AGBL3: variants seen among roughly 807,000 people sequenced by gnomAD.
AGBL3 encodes cytosolic carboxypeptidase 3.
In AGBL3, 68 loss-of-function variants were observed where a neutral mutation model predicts 94.5. That is an observed-to-expected ratio of 0.72 (90% CI 0.59 to 0.88). The LOEUF (loss-of-function observed/expected upper bound fraction) is 0.88, where lower values mean the gene tolerates loss of function less well. AGBL3 is among the 40% of genes least tolerant of loss of function. AGBL3 has a pLI of 0.00. For synonymous variants in AGBL3, 354 were observed against 370.7 expected, an observed-to-expected ratio of 0.95 and a Z score of 0.52; for missense variants, 934 against 1,103.8, an observed-to-expected ratio of 0.85 and a Z score of 2.18.
At chr7:135,122,310 C>CT (rs1827250458) in intron 16 of AGBL3, among the ~76,000 whole-genome samples, 2 of 152,316 alleles carry the variant, frequency 1.3e-5, no homozygotes, top group South Asian at 4.1e-4. Flanking sequence ...CCTGACCCAT[C>CT]CTTCCTCATT....
At chr7:135,015,033 GA>G (rs1813603322) in intron 4 of AGBL3, among the ~76,000 whole-genome samples, 1 of 152,296 alleles carries the variant, frequency 6.6e-6, no homozygotes, top group Middle Eastern at 3.4e-3. Context: ...AGGAGATTGT[GA>G]TAATGGAAAG....
intron 12 of AGBL3, among the ~76,000 whole-genome samples, chr7:135,070,374 A>C (rs972910291): frequency 5.9e-5 from 9 of 152,222 alleles, no homozygotes; most frequent in South Asian, 2.1e-4. Flanking sequence ...AACTCATTTT[A>C]TGAGGCCAGC....
intron 4 of AGBL3, chr7:135,011,025 G>A (rs1490047777): frequency 6.6e-6 from 1 of 152,082 alleles, no homozygotes; most frequent in African/African-American, 2.4e-5. Context: ...CAAAAAAATT[G>A]TAAGAGTTAC....
At chr7:135,094,603 G>T in intron 15 of AGBL3, 1 of 451,076 alleles carries the variant, frequency 2.2e-6, no homozygotes, top group Non-Finnish European at 4.4e-6. Flanking sequence ...GAGAAGAAGA[G>T]TAAACATTGT....
At chr7:135,006,625 A>G (rs1394551565) in intron 4 of AGBL3, among the ~76,000 whole-genome samples, 1 of 151,934 alleles carries the variant, frequency 6.6e-6, no homozygotes, top group Non-Finnish European at 1.5e-5. Flanking sequence ...GTCATCTTTT[A>G]TATCTGCCAC....
At chr7:135,036,741 A>G (rs1372561340) in intron 7 of AGBL3, among the ~76,000 whole-genome samples, 1 of 152,218 alleles carries the variant, frequency 6.6e-6, no homozygotes, top group Non-Finnish European at 1.5e-5. Context: ...GAAGGATGGC[A>G]GGTAGTATTT....
chr7:135,031,478 C>A (rs1327645297), intron 5 of AGBL3, among the ~76,000 whole-genome samples: 2 of 152,118 alleles, frequency 1.3e-5, no homozygotes, highest in Non-Finnish European at 2.9e-5. Flanking sequence ...AGGTTGGTCT[C>A]AAACTCTTGA....
chr7:135,052,472 C>T (rs569488568), intron 11 of AGBL3, among the ~76,000 whole-genome samples: 5 of 152,212 alleles, frequency 3.3e-5, no homozygotes, highest in East Asian at 1.9e-4. Flanking sequence ...GCTTGTTACA[C>T]GTATTTATTG....
intron 16 of AGBL3, among the ~76,000 whole-genome samples, chr7:135,125,122 TA>T (rs1177619246): frequency 2.6e-5 from 4 of 151,566 alleles, no homozygotes; most frequent in African/African-American, 9.7e-5. Context: ...GCTGTTTTTT[TA>T]AAAAAATTAA....
rs1301393313 is a variant in AGBL3, at chr7:135,134,745, A to G, written c.2343-96A>G. ...AACTTTAAGAAGTTATGAACTTACT[A>G]AAAGGAAAAATATTATTTATACTAT... On this transcript the variant is annotated intron_variant, in intron 16 of 16. Transcript: ENST00000436302. The G allele has an allele frequency of 4.2e-6, 5 of 1,177,262 alleles. No homozygotes were observed. The African/African-American group carries it at 4.7e-5, about 11-fold the overall frequency. The allele number at this position is 1,177,262 out of a possible 1,614,324, so 72.9% of individuals were successfully genotyped here.
At chr7:135,128,535 G>A in intron 16 of AGBL3, 1 of 765,756 alleles carries the variant, frequency 1.3e-6, no homozygotes, top group South Asian at 1.3e-5. Flanking sequence ...TCTGTCCAAG[G>A]TGGAGAAACC....
rs1816806274 is a variant in AGBL3 at position 135,040,991 on chromosome 7, A to G, written c.1501-3034A>G. Among the ~76,000 whole-genome samples, 3 of 152,336 alleles carry G rather than the reference A, an allele frequency of 2.0e-5. No homozygotes were observed. The South Asian group carries it at 6.2e-4, about 32-fold the overall frequency. ...ATTGCATTTCTGTATACTCACAATG[A>G]AAAAATTGGAAACCAAAGTTAAAAA... On this transcript the variant is annotated intron_variant, in intron 8 of 16. Coordinates refer to ENST00000436302, the MANE Select transcript of AGBL3 (RefSeq NM_178563.4).
In AGBL3 at chr7:135,120,662, T is replaced by G. The variant is rs1215802327; in HGVS notation, c.2342+5051T>G. On this transcript the variant is annotated intron_variant, in intron 16 of 16. Coordinates refer to ENST00000436302, the MANE Select transcript of AGBL3 (RefSeq NM_178563.4). The stretch of plus-strand genomic sequence containing the variant: ...TAAGGACAGATTAACAGAATGAATT[T>G]TAAAACATTACCCAACAATATGCAG... 1.5e-4 allele frequency among the ~76,000 whole-genome samples: 23 copies of G among 152,194 alleles called. 1 individual carries two copies. Among genetic ancestry groups the G allele is most frequent in the Non-Finnish European group, 3.4e-4 (23 of 68,040 alleles).
chr7:135,031,249 A>G (rs1236370882), intron 5 of AGBL3, among the ~76,000 whole-genome samples: 1 of 151,938 alleles, frequency 6.6e-6, no homozygotes, highest in Admixed American at 6.6e-5. Context: ...TCTGTATTAT[A>G]TTCTTTTATT....
chr7:135,133,128 C>T (rs907442561), intron 16 of AGBL3, among the ~76,000 whole-genome samples: 3 of 151,762 alleles, frequency 2.0e-5, no homozygotes, highest in Non-Finnish European at 2.9e-5. Context: ...TTATGCTAGG[C>T]CTCAGAATAC....
At chr7:135,131,817 GA>G (rs1205640935) in intron 16 of AGBL3, among the ~76,000 whole-genome samples, 3 of 151,470 alleles carry the variant, frequency 2.0e-5, no homozygotes, top group South Asian at 2.1e-4. Flanking sequence ...GACAAATAAA[GA>G]AAAAAAGACA....
At chr7:135,073,320 A>C (rs1266974076) in intron 12 of AGBL3, among the ~76,000 whole-genome samples, 1 of 151,926 alleles carries the variant, frequency 6.6e-6, no homozygotes, top group Non-Finnish European at 1.5e-5. Flanking sequence ...ACAAAAAAAA[A>C]TTAGCTGGGT....
rs2116448594 is a variant in AGBL3, at chr7:135,034,376, A to T, written c.785A>T (p.Gln262Leu). Residue 262 changes from glutamine to leucine, a missense_variant, in exon 7 of 17, where the codon CAA becomes CTA. By Grantham distance (113) the Gln-to-Leu change is moderately radical (BLOSUM62 -2). This residue lies in a region of AGBL3 where 488 missense variants were observed against 563.6 expected (regional missense o/e 0.87). Coordinates refer to ENST00000436302, the MANE Select transcript of AGBL3 (RefSeq NM_178563.4). ...ATTGGCTGGCAGAGAATAGGAGACC[A>T]AATCAAGTATTATAGGAACAACCCA... ...HHIGWQRIGD[Q>L]IKYYRNNPGQ... is the part of the protein sequence containing the mutation. 6.4e-7 allele frequency: 1 copy of T among 1,551,696 alleles called. No individual in the cohort carries two copies. Among genetic ancestry groups the T allele is most frequent in the Non-Finnish European group, 8.7e-7 (1 of 1,146,968 alleles).
rs528387116 is a variant in AGBL3, at chr7:135,012,890, A to G, written c.311-4162A>G. On this transcript the variant is annotated intron_variant, in intron 4 of 16. Coordinates refer to ENST00000436302, the MANE Select transcript of AGBL3 (RefSeq NM_178563.4). ...TATCTCTGTAGTTATAGATAAGGCA[A>G]CAATTCCTTAGGAGCCAGAAAGAAA... 3.2e-4 allele frequency among the ~76,000 whole-genome samples: 48 copies of G among 152,318 alleles called. 1 individual carries two copies. The South Asian group carries it at 9.9e-3, about 32-fold the overall frequency.
Sources: gnomAD v4.1 joint callset for allele counts (sites outside exome capture counted in the v4.1 genomes callset) on GRCh38, gnomAD v4.1.1 for gene constraint, gnomAD v4.1.1 regional missense constraint, MANE v1.5 for transcripts, NCBI Gene and HGNC (gene_info 2026-07-23, HGNC 2026-07-21) for gene names.